Variants in TANK observed in about 807,000 individuals in gnomAD.
The protein encoded by TANK is TRAF family member associated NFKB activator.
A neutral mutation model predicts 43.6 loss-of-function variants in TANK; 15 were observed. The ratio of observed to expected loss-of-function variants is 0.34; its 90% CI spans 0.23 to 0.53. The LOEUF is 0.53. Among genes scored for constraint, TANK ranks in the 20% least tolerant of loss-of-function variants. The pLI, the probability that TANK is intolerant of heterozygous loss-of-function variation, is 0.94. For synonymous variants in TANK, 162 were observed against 178.2 expected, an observed-to-expected ratio of 0.91 and a Z score of 0.73; for missense variants, 417 against 498.6, an observed-to-expected ratio of 0.84 and a Z score of 1.56.
chr2:161,136,997 C>A (rs1249705140), exon 1 of TANK: 1 of 985,290 alleles, frequency 1.0e-6, no homozygotes. Flanking sequence ...CACTTTACAA[C>A]TGTGTAACTG....
At chr2:161,145,388 G>C (rs1415737472) in intron 1 of TANK, among the ~76,000 whole-genome samples, 1 of 151,692 alleles carries the variant, frequency 6.6e-6, no homozygotes, top group African/African-American at 2.4e-5. Context: ...TGGTTATTTT[G>C]CACACTAGTT....
chr2:161,215,842 G>A (rs969529373), intron 4 of TANK, among the ~76,000 whole-genome samples: 1 of 152,126 alleles, frequency 6.6e-6, no homozygotes, highest in East Asian at 1.9e-4. Flanking sequence ...GCTATGTTAC[G>A]AAAGCTGATT....
At chr2:161,232,772 T>C (rs1687982837) in intron 7 of TANK, 3 of 1,550,458 alleles carry the variant, frequency 1.9e-6, no homozygotes, top group Non-Finnish European at 2.6e-6. Context: ...CCCTGCATTG[T>C]ACATTTGCTT....
rs774142309 is a variant in TANK at position 161,179,655 on chromosome 2, G to A, written c.-8G>A. ...ATCCTTTATAGTGATGCTACAGGAC[G>A]AAGAGGAATGGATAAAAACATTGGC... On this transcript the variant is annotated 5_prime_UTR_variant, in exon 2 of 8. Coordinates refer to ENST00000392749, the MANE Select transcript of TANK (RefSeq NM_001199135.3). The A allele has an allele frequency of 4.2e-4, 685 of 1,612,802 alleles. 3 individuals carry two copies. Among genetic ancestry groups the A allele is most frequent in the Non-Finnish European group, 5.8e-5 (68 of 1,179,414 alleles).
At chr2:161,191,677 T>G (rs542233944) in intron 2 of TANK, among the ~76,000 whole-genome samples, 1 of 152,320 alleles carries the variant, frequency 6.6e-6, no homozygotes, top group African/African-American at 2.4e-5. Flanking sequence ...ACCACAAACT[T>G]CTTGTCTATA....
chr2:161,213,271 C>T (rs1574046349), intron 4 of TANK, among the ~76,000 whole-genome samples: 1 of 152,140 alleles, frequency 6.6e-6, no homozygotes, highest in African/African-American at 2.4e-5. Flanking sequence ...CACAAACCAT[C>T]TAGTTTATCT....
chr2:161,184,024 A>G (rs1047942239), intron 2 of TANK, among the ~76,000 whole-genome samples: 2 of 152,124 alleles, frequency 1.3e-5, no homozygotes, highest in Non-Finnish European at 2.9e-5. Flanking sequence ...GCTCAATGTG[A>G]GTCGATACTT....
At chr2:161,195,633 G>A (rs1686110489) in intron 2 of TANK, among the ~76,000 whole-genome samples, 1 of 152,070 alleles carries the variant, frequency 6.6e-6, no homozygotes, top group Non-Finnish European at 1.5e-5. Context: ...AGGTTTTTTG[G>A]GGGACAAGGG....
chr2:161,180,830 C>T (rs995118797), intron 2 of TANK, among the ~76,000 whole-genome samples: 2 of 151,696 alleles, frequency 1.3e-5, no homozygotes, highest in African/African-American at 4.8e-5. Context: ...TCCTATACAC[C>T]TTTCCTTCAA....
intron 1 of TANK, among the ~76,000 whole-genome samples, chr2:161,175,608 A>C (rs967166515): frequency 6.6e-6 from 1 of 152,156 alleles, no homozygotes; most frequent in Non-Finnish European, 1.5e-5. Context: ...GCTTTACCAA[A>C]GGAAGAGAAA....
chr2:161,157,682 C>G (rs905903192), upstream of TANK, among the ~76,000 whole-genome samples: 6 of 152,150 alleles, frequency 3.9e-5, no homozygotes, highest in African/African-American at 1.4e-4. Flanking sequence ...AGTTTTAAAA[C>G]TAGGATTCAA....
chr2:161,156,396 C>T, upstream of TANK: 5 of 979,950 alleles, frequency 5.1e-6, no homozygotes, highest in Non-Finnish European at 6.1e-6. Context: ...CTAGTTCCCT[C>T]CTTATCTTAG....
intron 3 of TANK, among the ~76,000 whole-genome samples, chr2:161,203,922 T>C (rs764229764): frequency 1.3e-5 from 2 of 152,124 alleles, no homozygotes; most frequent in Non-Finnish European, 2.9e-5. Context: ...CATAAGAAAA[T>C]ATTTGTTCAG....
intron 2 of TANK, among the ~76,000 whole-genome samples, chr2:161,193,078 C>T (rs1685992023): frequency 1.3e-5 from 2 of 152,184 alleles, no homozygotes; most frequent in African/African-American, 2.4e-5. Flanking sequence ...ATTTCCTTTA[C>T]TCATCCTTCA....
At chr2:161,207,444 A>G in intron 4 of TANK, 1 of 982,080 alleles carries the variant, frequency 1.0e-6, no homozygotes, top group Non-Finnish European at 1.2e-6. Flanking sequence ...AAAAATAAAA[A>G]TTAACTGTCT....
chr2:161,165,146 T>G (rs1462387930), intron 1 of TANK, among the ~76,000 whole-genome samples: 1 of 151,590 alleles, frequency 6.6e-6, no homozygotes, highest in Admixed American at 6.6e-5. Context: ...TACTGGAAAT[T>G]GAGTAGACAA....
chr2:161,149,302 T>C (rs1458948673), intron 1 of TANK, among the ~76,000 whole-genome samples: 1 of 152,204 alleles, frequency 6.6e-6, no homozygotes, highest in Non-Finnish European at 1.5e-5. Context: ...ATTGGCAATG[T>C]ATAGAAAAAA....
chr2:161,144,708 T>G (rs561243926), intron 1 of TANK, among the ~76,000 whole-genome samples: 1 of 152,226 alleles, frequency 6.6e-6, no homozygotes, highest in Non-Finnish European at 1.5e-5. Context: ...AGGAGTGTTT[T>G]ACTTCCAATT....
At chr2:161,178,973 A>G (rs926021949) in intron 1 of TANK, among the ~76,000 whole-genome samples, 12 of 152,144 alleles carry the variant, frequency 7.9e-5, no homozygotes, top group Non-Finnish European at 5.9e-5. Flanking sequence ...AATTACCTCC[A>G]CTGAGCAAAT....
Sources: allele counts gnomAD v4.1 joint callset (sites outside exome capture counted in the v4.1 genomes callset), GRCh38; gene constraint gnomAD v4.1.1; transcripts MANE v1.5; gene names NCBI Gene and HGNC (gene_info 2026-07-23, HGNC 2026-07-21).